The following RPS6KC1 variants were observed in gnomAD, a reference collection of about 807,000 sequenced individuals.
RPS6KC1 encodes ribosomal protein S6 kinase C1, also known as inactive ribosomal protein S6 kinase delta-1.
Under a neutral mutation model 103.8 loss-of-function variants are expected in RPS6KC1, and 54 were observed. The ratio of observed to expected loss-of-function variants is 0.52; its 90% confidence interval spans 0.42 to 0.65. The LOEUF is 0.65. Among genes scored for constraint, RPS6KC1 ranks in the 30% least tolerant of loss-of-function variants. RPS6KC1 has a pLI of 0.00. For missense variants in RPS6KC1, 1,151 were observed against 1,253.8 expected (o/e 0.92, Z 1.24); for synonymous variants, 439 against 438.7 (o/e 1.00, Z -0.01).
At chr1:213,367,129 A>G in the RPS6KC1 span, among the ~76,000 whole-genome samples, 1 of 152,180 alleles carries the variant, frequency 6.6e-6, no homozygotes, top group Non-Finnish European at 1.5e-5. Flanking sequence ...TGGTATATCC[A>G]CTGTTGGGGA....
At chr1:213,706,733 G>T in the RPS6KC1 span, among the ~76,000 whole-genome samples, 2 of 151,836 alleles carry the variant, frequency 1.3e-5, no homozygotes, top group African/African-American at 2.4e-5. Context: ...AGTGTGTGTT[G>T]TTTCCTTCCC....
chr1:213,178,054 C>G (rs1445876184), intron 8 of RPS6KC1, among the ~76,000 whole-genome samples: 4 of 150,850 alleles, frequency 2.7e-5, no homozygotes, highest in Non-Finnish European at 5.9e-5. Flanking sequence ...AAAGAAAAAG[C>G]TGGGCATGTA....
At chr1:213,678,778 G>T in the RPS6KC1 span, among the ~76,000 whole-genome samples, 2 of 152,154 alleles carry the variant, frequency 1.3e-5, no homozygotes, top group Non-Finnish European at 2.9e-5. Flanking sequence ...ACAGTGAAGT[G>T]ATTTAATCTT....
chr1:213,144,880 T>C (rs1225311148), intron 6 of RPS6KC1, among the ~76,000 whole-genome samples: 3 of 151,852 alleles, frequency 2.0e-5, no homozygotes, highest in Non-Finnish European at 4.4e-5. Context: ...ATCGAGACCA[T>C]CCTGGCCAAC....
chr1:213,150,789 C>T (rs930078349), intron 6 of RPS6KC1, among the ~76,000 whole-genome samples: 33 of 152,360 alleles, frequency 2.2e-4, no homozygotes, highest in African/African-American at 6.7e-4. Context: ...TCCACAAAGC[C>T]GCCATTGTCA....
the RPS6KC1 span, among the ~76,000 whole-genome samples, chr1:213,763,912 C>T: frequency 1.3e-5 from 2 of 152,188 alleles, no homozygotes; most frequent in African/African-American, 2.4e-5. Context: ...TTCATGTAGA[C>T]ATTTTGCTCT....
At chr1:213,148,011 A>C (rs1293315374) in intron 6 of RPS6KC1, among the ~76,000 whole-genome samples, 1 of 152,194 alleles carries the variant, frequency 6.6e-6, no homozygotes, top group Admixed American at 6.5e-5. Flanking sequence ...CACTGTTGGC[A>C]TATAGAAATG....
the RPS6KC1 span, among the ~76,000 whole-genome samples, chr1:213,795,627 C>T: frequency 2.0e-5 from 3 of 152,112 alleles, no homozygotes; most frequent in East Asian, 1.9e-4. Context: ...TTAGTTGTTT[C>T]CATGGTTTTA....
At chr1:213,757,114 A>C in the RPS6KC1 span, among the ~76,000 whole-genome samples, 1 of 152,184 alleles carries the variant, frequency 6.6e-6, no homozygotes, top group East Asian at 1.9e-4. Flanking sequence ...CTGAGACAGA[A>C]TATTAAAATT....
At chr1:213,221,538 C>T (rs764303816) in intron 8 of RPS6KC1, among the ~76,000 whole-genome samples, 1 of 152,126 alleles carries the variant, frequency 6.6e-6, no homozygotes, top group South Asian at 2.1e-4. Flanking sequence ...GGAAAGTTAA[C>T]GTTTGATGAA....
chr1:213,602,086 T>TTCTTTCTTTC, the RPS6KC1 span, among the ~76,000 whole-genome samples: 4 of 38,342 alleles, frequency 1.0e-4, 1 homozygote, highest in Non-Finnish European at 1.8e-4. Context: ...TTCTCTTTCT[T>TTCTTTCTTTC]TCTTTCTTTC....
At chr1:213,712,093 G>A in the RPS6KC1 span, among the ~76,000 whole-genome samples, 24 of 152,348 alleles carry the variant, frequency 1.6e-4, no homozygotes, top group African/African-American at 3.1e-4. Context: ...GAACGTTTAC[G>A]TGTACTGAAA....
the RPS6KC1 span, among the ~76,000 whole-genome samples, chr1:213,538,712 C>T: frequency 1.1e-4 from 16 of 152,030 alleles, no homozygotes; most frequent in Non-Finnish European, 2.2e-4. Context: ...CCATCGAGTA[C>T]GAGTTTGCTC....
At chr1:213,655,359 C>A in the RPS6KC1 span, among the ~76,000 whole-genome samples, 1 of 152,190 alleles carries the variant, frequency 6.6e-6, no homozygotes, top group African/African-American at 2.4e-5. Flanking sequence ...ATATTTCTAT[C>A]TGTCCCTTAA....
At chr1:213,082,513 A>C (rs1572408271) in intron 3 of RPS6KC1, among the ~76,000 whole-genome samples, 1 of 152,184 alleles carries the variant, frequency 6.6e-6, no homozygotes, top group African/African-American at 2.4e-5. Flanking sequence ...TTTCCCAAAG[A>C]AGTTAGGTAA....
At chr1:213,675,449 A>T in the RPS6KC1 span, among the ~76,000 whole-genome samples, 1 of 152,182 alleles carries the variant, frequency 6.6e-6, no homozygotes, top group Non-Finnish European at 1.5e-5. Flanking sequence ...TGGCATGTAT[A>T]TGGCAAAAGG....
chr1:213,455,726 T>C, the RPS6KC1 span, among the ~76,000 whole-genome samples: 1 of 152,204 alleles, frequency 6.6e-6, no homozygotes, highest in African/African-American at 2.4e-5. Flanking sequence ...CCATGGAATA[T>C]AAGCTACAGA....
At chr1:213,458,717 G>A in the RPS6KC1 span, among the ~76,000 whole-genome samples, 1 of 152,100 alleles carries the variant, frequency 6.6e-6, no homozygotes, top group Non-Finnish European at 1.5e-5. Context: ...TCCAGCTTTT[G>A]CCCATTCAGT....
chr1:213,063,806 A>AT (rs1250294746), intron 1 of RPS6KC1, among the ~76,000 whole-genome samples: 1 of 152,204 alleles, frequency 6.6e-6, no homozygotes, highest in Non-Finnish European at 1.5e-5. Flanking sequence ...AATTGAATTG[A>AT]TTATTAAGCC....
Sources: gnomAD v4.1 joint callset for allele counts (sites outside exome capture counted in the v4.1 genomes callset) on GRCh38, gnomAD v4.1.1 for gene constraint, MANE v1.5 for transcripts, NCBI Gene and HGNC (gene_info 2026-07-23, HGNC 2026-07-21) for gene names.